The following GALNTL6 variants were observed in gnomAD, a reference collection of about 807,000 sequenced individuals.
GALNTL6 encodes polypeptide N-acetylgalactosaminyltransferase like 6, also known as polypeptide N-acetylgalactosaminyltransferase-like 6.
Under a neutral mutation model 73.7 loss-of-function variants are expected in GALNTL6, and 46 were observed. That is an observed-to-expected ratio of 0.62 (90% CI 0.49 to 0.80). The LOEUF (loss-of-function observed/expected upper bound fraction) is 0.80, where lower values mean the gene tolerates loss of function less well. GALNTL6 is among the 30% of genes least tolerant of loss of function. The pLI, the probability that GALNTL6 is intolerant of heterozygous loss-of-function variation, is 0.00. For synonymous variants in GALNTL6, 259 were observed against 263.7 expected (o/e 0.98, Z 0.17); for missense variants, 604 against 755.0 (o/e 0.80, Z 2.34).
At chr4:172,010,470 C>T (rs999650756) in intron 2 of GALNTL6, among the ~76,000 whole-genome samples, 1 of 151,946 alleles carries the variant, frequency 6.6e-6, no homozygotes, top group Admixed American at 6.6e-5. Flanking sequence ...TGAATTGGGG[C>T]AGTACATTTA....
intron 7 of GALNTL6, among the ~76,000 whole-genome samples, chr4:172,876,044 T>G (rs1745177196): frequency 6.6e-6 from 1 of 152,200 alleles, no homozygotes; most frequent in African/African-American, 2.4e-5. Flanking sequence ...ACCAAGGCCC[T>G]CACACAATAT....
chr4:172,555,026 A>G (rs570354305), intron 5 of GALNTL6, among the ~76,000 whole-genome samples: 21 of 152,316 alleles, frequency 1.4e-4, no homozygotes, highest in African/African-American at 4.8e-4. Context: ...CACCTGCTCC[A>G]GGTCCTCACC....
In GALNTL6 at chr4:173,025,069, G is replaced by A. The variant is rs543890873; in HGVS notation, c.1638+3444G>A. ...GCTTGGGTGGATGAAAGTTGTTTTC[G>A]GACCTTGCTTCCTGGTTTCAGCAAC... is the stretch of plus-strand genomic sequence containing the variant. On this transcript the variant is annotated intron_variant, in intron 12 of 12. Coordinates refer to ENST00000506823, the MANE Select transcript of GALNTL6 (RefSeq NM_001034845.3). Among the ~76,000 whole-genome samples, 14 of 152,224 alleles carry A rather than the reference G, an allele frequency of 9.2e-5. 1 individual carries two copies. The East Asian group carries it at 2.3e-3, about 25-fold the overall frequency.
chr4:172,999,653 C>T (rs1751956639), intron 10 of GALNTL6, among the ~76,000 whole-genome samples: 1 of 152,028 alleles, frequency 6.6e-6, no homozygotes. Flanking sequence ...ATATAGATGT[C>T]CCAGAGACAC....
chr4:172,568,707 G>A (rs1443209988), intron 5 of GALNTL6, among the ~76,000 whole-genome samples: 1 of 128,740 alleles, frequency 7.8e-6, no homozygotes, highest in Admixed American at 1.0e-4. Flanking sequence ...GCAGTGAGCC[G>A]AGATTGCGCC....
chr4:172,949,111 T>C (rs1749314374), intron 9 of GALNTL6, among the ~76,000 whole-genome samples: 3 of 152,218 alleles, frequency 2.0e-5, no homozygotes, highest in South Asian at 2.1e-4. Context: ...CCCATTTCAG[T>C]GCTTTTATCA....
Position 171,907,856 on chromosome 4 carries a change from C to G in GALNTL6, c.138+93138C>G, listed in dbSNP as rs528658991. 3.6e-3 allele frequency among the ~76,000 whole-genome samples: 548 copies of G among 152,106 alleles called. 5 individuals are homozygous for G. Among genetic ancestry groups the G allele is most frequent in the African/African-American group, 0.013 (529 of 41,406 alleles). On this transcript the variant is annotated intron_variant, in intron 2 of 12. Transcript: ENST00000506823. Reference sequence around the variant, plus strand: ...AATAACGCCACATATCTACAACTATCTGATCTTTGACAAACCTGAGAAAAA... The same window carrying G: ...AATAACGCCACATATCTACAACTATGTGATCTTTGACAAACCTGAGAAAAA...
intron 5 of GALNTL6, among the ~76,000 whole-genome samples, chr4:172,480,193 A>C (rs558266285): frequency 1.3e-5 from 2 of 152,044 alleles, no homozygotes; most frequent in East Asian, 3.9e-4. Context: ...TATAGTCCCA[A>C]CTACTTGAGA....
intron 3 of GALNTL6, among the ~76,000 whole-genome samples, chr4:172,262,198 T>A (rs574724173): frequency 6.6e-6 from 1 of 151,546 alleles, no homozygotes; most frequent in South Asian, 2.1e-4. Flanking sequence ...ATTGACTTTC[T>A]GTTTTGATTA....
At chr4:172,843,839 G>T (rs1372391429) in intron 7 of GALNTL6, among the ~76,000 whole-genome samples, 1 of 152,086 alleles carries the variant, frequency 6.6e-6, no homozygotes, top group African/African-American at 2.4e-5. Context: ...CAGGCAGATC[G>T]CTTGAAGTTA....
At chr4:172,327,433 T>G (rs1228728458) in intron 4 of GALNTL6, among the ~76,000 whole-genome samples, 1 of 152,172 alleles carries the variant, frequency 6.6e-6, no homozygotes, top group East Asian at 1.9e-4. Flanking sequence ...AGTGTTGAGT[T>G]CAGGTCCTGA....
chr4:171,903,007 T>C (rs1458607104), intron 2 of GALNTL6, among the ~76,000 whole-genome samples: 2 of 152,136 alleles, frequency 1.3e-5, no homozygotes, highest in African/African-American at 4.8e-5. Flanking sequence ...TCATTACAGC[T>C]ATTCATGCAG....
chr4:172,926,505 A>G (rs1748067553), intron 8 of GALNTL6, among the ~76,000 whole-genome samples: 1 of 152,228 alleles, frequency 6.6e-6, no homozygotes, highest in Admixed American at 6.5e-5. Context: ...AGAATAGGTT[A>G]AGGCCAGAAA....
In GALNTL6 at chr4:171,827,580, C is replaced by G. The variant is rs557352911; in HGVS notation, c.138+12862C>G. Among the ~76,000 whole-genome samples the G allele has an allele frequency of 2.6e-5, 4 of 152,250 alleles. No homozygotes were observed. In the East Asian group the frequency reaches 7.7e-4, roughly 29 times the overall value. On this transcript the variant is annotated intron_variant, in intron 2 of 12. Coordinates refer to ENST00000506823, the MANE Select transcript of GALNTL6 (RefSeq NM_001034845.3). ...TCTCTAATCCAAATTTCCCTCCTTA[C>G]GATATGAACCACATATGAAGCTAAA...
At chr4:172,096,356 A>G (rs537329080) in intron 2 of GALNTL6, among the ~76,000 whole-genome samples, 8 of 152,124 alleles carry the variant, frequency 5.3e-5, no homozygotes, top group African/African-American at 1.9e-4. Context: ...CAGCTTTCCA[A>G]AGTGTTGGGA....
chr4:172,675,603 T>G (rs1437844), intron 5 of GALNTL6, among the ~76,000 whole-genome samples: 55,287 of 152,074 alleles, frequency 0.36, 10,994 homozygotes, highest in African/African-American at 0.5. Context: ...GACCATGCAA[T>G]TAAAACCTCA....
chr4:172,492,278 G>A (rs1054237556), intron 5 of GALNTL6, among the ~76,000 whole-genome samples: 11 of 151,932 alleles, frequency 7.2e-5, no homozygotes, highest in African/African-American at 4.8e-5. Flanking sequence ...GGCTTATAGA[G>A]GTGTTCAATA....
intron 5 of GALNTL6, among the ~76,000 whole-genome samples, chr4:172,480,412 G>T (rs1405367969): frequency 6.6e-6 from 1 of 151,930 alleles, no homozygotes; most frequent in Non-Finnish European, 1.5e-5. Context: ...TAAAGCTATT[G>T]CTCATTTTAA....
intron 3 of GALNTL6, among the ~76,000 whole-genome samples, chr4:172,241,072 T>C (rs1465424057): frequency 6.6e-6 from 1 of 152,216 alleles, no homozygotes; most frequent in East Asian, 1.9e-4. Flanking sequence ...TATTCGTAGC[T>C]GAATTCTTGT....
Sources: gnomAD v4.1 joint callset for allele counts (sites outside exome capture counted in the v4.1 genomes callset) on GRCh38, gnomAD v4.1.1 for gene constraint, MANE v1.5 for transcripts, NCBI Gene and HGNC (gene_info 2026-07-23, HGNC 2026-07-21) for gene names.